CLPTM1L: variants seen among roughly 807,000 people sequenced by gnomAD.
The protein encoded by CLPTM1L is CLPTM1 like.
In CLPTM1L, 38 loss-of-function variants were observed where a neutral mutation model predicts 70.9. The observed-to-expected ratio is 0.54, with a 90% CI of 0.41 to 0.70. The LOEUF is 0.70. CLPTM1L is among the 30% of genes least tolerant of loss of function. CLPTM1L has a pLI of 0.00. For synonymous variants in CLPTM1L, 339 were observed against 299.9 expected (o/e 1.13, Z -1.35); for missense variants, 652 against 705.9 (o/e 0.92, Z 0.87).
chr5:1,335,039 G>A lies in CLPTM1L; in HGVS notation c.796+18C>T. 2 of 1,601,710 alleles carry A rather than the reference G, an allele frequency of 1.2e-6. No individual in the cohort carries two copies. Among genetic ancestry groups the A allele is most frequent in the Non-Finnish European group, 8.5e-7 (1 of 1,170,284 alleles). ...CCAGGGCGGCCTCACCCAGGCGCCG[G>A]CCGTGTGCGGCACATACCGAACTGC... On this transcript the variant is annotated intron_variant, in intron 6 of 16. Coordinates refer to ENST00000320895, the MANE Select transcript of CLPTM1L (RefSeq NM_030782.5).
chr5:1,320,641 ACAC>A lies in CLPTM1L; in HGVS notation c.1504_1506del (p.Val502del), dbSNP rs1561226883. 6.5e-7 allele frequency: 1 copy of A among 1,544,936 alleles called. No individual in the cohort carries two copies. The highest frequency in any genetic ancestry group is 8.7e-7 in the Non-Finnish European group (1 of 1,143,622). On this transcript the variant is annotated inframe_deletion, in exon 16 of 17. Coordinates refer to ENST00000320895, the MANE Select transcript of CLPTM1L (RefSeq NM_030782.5). ...CACCGCTGGTACAGGTAGACCAGAA[ACAC>A]CACGTCGTCCCGGAAGCAGGCCAGC...
Position 1,321,890 on chromosome 5 carries a change from C to T in CLPTM1L, c.1316-71G>A. ...GCCACATCTACGCACAGACGGCACTCACGAGGTGTGGAGGGCCGAGCTGCC... is the reference window on the plus strand; with the variant it reads ...GCCACATCTACGCACAGACGGCACTTACGAGGTGTGGAGGGCCGAGCTGCC... On this transcript the variant is annotated intron_variant, in intron 13 of 16. Coordinates refer to ENST00000320895, the MANE Select transcript of CLPTM1L (RefSeq NM_030782.5). 3 of 1,461,096 alleles carry T rather than the reference C, an allele frequency of 2.1e-6. No individual in the cohort carries two copies. The South Asian group carries it at 3.5e-5, about 17-fold the overall frequency. 90.5% of individuals were successfully genotyped at this position (1,461,096 alleles called of 1,614,324 possible).
At position 1,331,747 on chromosome 5, in the gene CLPTM1L, G is replaced by A. The variant is rs1381982943; in HGVS notation, c.976+52C>T. ...AGGCAGCCCTCTACCGCAGGCTCCAGTGAGCTCCCTGGGGCAGAGTATCTG... is the reference window on the plus strand; with the variant it reads ...AGGCAGCCCTCTACCGCAGGCTCCAATGAGCTCCCTGGGGCAGAGTATCTG... On this transcript the variant is annotated intron_variant, in intron 8 of 16. Transcript: ENST00000320895. 9 of 1,530,938 alleles carry A rather than the reference G, an allele frequency of 5.9e-6. No individual in the cohort carries two copies. In the East Asian group the frequency reaches 2.0e-4, roughly 34 times the overall value. 94.8% of individuals were successfully genotyped at this position (1,530,938 alleles called of 1,614,324 possible). A position where few individuals can be genotyped will look rare whatever the true frequency, so the allele number is the denominator to read the frequency against.
chr5:1,323,045 G>A, intron 12 of CLPTM1L, 134 bp from the exon 13 acceptor site: 1 of 859,968 alleles, frequency 1.2e-6, no homozygotes, highest in Non-Finnish European at 1.9e-6. Flanking sequence ...CGGCAGCCAA[G>A]AGCAGCAGTG....
chr5:1,338,495 G>A (rs1753726967), intron 4 of CLPTM1L, among the ~76,000 whole-genome samples: 1 of 152,226 alleles, frequency 6.6e-6, no homozygotes, highest in Non-Finnish European at 1.5e-5. Context: ...TTAACTGATG[G>A]CAAGTGATAC....
At chr5:1,332,824 TATTC>T (rs1753188853) in intron 7 of CLPTM1L, among the ~76,000 whole-genome samples, 1 of 152,242 alleles carries the variant, frequency 6.6e-6, no homozygotes, top group East Asian at 1.9e-4. Flanking sequence ...ATAATACATA[TATTC>T]ATTCATTACG....
Position 1,345,090 on chromosome 5 carries a change from T to G in CLPTM1L, c.-249A>C, listed in dbSNP as rs1329426811. ...CGCGCCGCTTCCGGGCCCCGCCGCC[T>G]GCCGGAAGTGGACGCGCCGCGCGGC... On this transcript the variant is annotated 5_prime_UTR_variant, in exon 1 of 17. Coordinates refer to ENST00000320895, the MANE Select transcript of CLPTM1L (RefSeq NM_030782.5). The G allele has an allele frequency of 2.0e-5, 3 of 152,184 alleles. No individual in the cohort carries two copies. The highest frequency in any genetic ancestry group is 4.4e-5 in the Non-Finnish European group (3 of 68,572). 9.4% of individuals were successfully genotyped at this position (152,184 alleles called of 1,614,324 possible). A position where few individuals can be genotyped will look rare whatever the true frequency, so the allele number is the denominator to read the frequency against.
In CLPTM1L at chr5:1,344,873, C is replaced by T; in HGVS notation, c.-32G>A. ...CCCGCGCCCGGCGCCCCCGGCCCGC[C>T]CGCCTCTCAGCCGCGAGCCCCGCCC... On this transcript the variant is annotated 5_prime_UTR_variant, in exon 1 of 17. Coordinates refer to ENST00000320895, the MANE Select transcript of CLPTM1L (RefSeq NM_030782.5). The T allele has an allele frequency of 7.4e-7, 1 of 1,344,620 alleles. No individual in the cohort carries two copies. Among genetic ancestry groups the T allele is most frequent in the African/African-American group, 1.5e-5 (1 of 65,044 alleles). The allele number at this position is 1,344,620 out of a possible 1,614,324, so 83.3% of individuals were successfully genotyped here.
At chr5:1,338,255 CACGGCCGT>C (rs1433760872) in intron 4 of CLPTM1L, 25 of 529,826 alleles carry the variant, frequency 4.7e-5, no homozygotes, top group South Asian at 4.5e-4. Flanking sequence ...ATTACAGGGA[CACGGCCGT>C]ACAGCAGAAC....
In CLPTM1L at chr5:1,337,981, T is replaced by C; in HGVS notation, c.601A>G (p.Ile201Val). ...PADVHRYMKMIQLGKTVHYLP... is the reference protein window; with the variant it reads ...PADVHRYMKMVQLGKTVHYLP... ...TAATGCACGGTTTTCCCCAGCTGGA[T>C]CCTGGGATTAAAGCACAACTTTCCA... The change falls in exon 5 of 17, where the codon ATC becomes GTC. Residue 201 changes from isoleucine to valine, a missense_variant and splice_region_variant. Ile to Val is a conservative substitution (Grantham distance 29). Transcript: ENST00000320895. The C allele has an allele frequency of 3.7e-6, 6 of 1,604,330 alleles. No individual in the cohort carries two copies. The highest frequency in any genetic ancestry group is 1.3e-5 in the African/African-American group (1 of 74,994).
At chr5:1,323,263 G>A (rs961152234) in intron 12 of CLPTM1L, among the ~76,000 whole-genome samples, 11 of 146,342 alleles carry the variant, frequency 7.5e-5, no homozygotes, top group Admixed American at 2.1e-4. Flanking sequence ...CTCAGGGCCA[G>A]CACCCCACCT....
chr5:1,318,955 C>T lies in CLPTM1L; in HGVS notation c.1533-502G>A, dbSNP rs572159955. 5.3e-5 allele frequency among the ~76,000 whole-genome samples: 8 copies of T among 152,316 alleles called. No individual in the cohort carries two copies. Among genetic ancestry groups the T allele is most frequent in the African/African-American group, 1.7e-4 (7 of 41,572 alleles). ...GGCATAAGGGGCAGCTCTACACGGC[C>T]GCGAACAGAAGTACAGGGTTTCAGC... On this transcript the variant is annotated intron_variant, in intron 16 of 16. Coordinates refer to ENST00000320895, the MANE Select transcript of CLPTM1L (RefSeq NM_030782.5). This position sits in a 1 kb window ranked among gnomAD's most constrained non-coding sequence, Gnocchi z 8.9.
At chr5:1,332,055 A>G (rs1454021064) in intron 7 of CLPTM1L, 172 bp from the exon 8 acceptor site, 1 of 620,706 alleles carries the variant, frequency 1.6e-6, no homozygotes, top group Non-Finnish European at 2.9e-6. Flanking sequence ...CTGGCCTGCC[A>G]TGTCAGAACC....
At position 1,335,192 on chromosome 5, in the gene CLPTM1L, A is replaced by G. The variant is rs559390900; in HGVS notation, c.679-18T>C. 1.9e-6 allele frequency: 3 copies of G among 1,599,906 alleles called. No individual in the cohort carries two copies. The highest frequency in any genetic ancestry group is 2.6e-6 in the Non-Finnish European group (3 of 1,167,936). On this transcript the variant is annotated intron_variant, in intron 5 of 16. Transcript: ENST00000320895. Reference sequence around the variant, plus strand: ...TTTATGACCTGATGAAGAAAGCCACACTGAGGGCCCTGCCCTCATACCCTT... The same window carrying G: ...TTTATGACCTGATGAAGAAAGCCACGCTGAGGGCCCTGCCCTCATACCCTT...
At position 1,344,491 on chromosome 5, in the gene CLPTM1L, C is replaced by A. The variant is rs771555688; in HGVS notation, c.163-40G>T. On this transcript the variant is annotated intron_variant, in intron 1 of 16. Transcript: ENST00000320895. ...GCGTCGAGAGTCAGCTCGGCCAGGC[C>A]CTGGCAGGACGCACTCAAATCCCAC... 254 of 1,567,448 alleles carry A rather than the reference C, an allele frequency of 1.6e-4. 1 individual carries two copies. Among genetic ancestry groups the A allele is most frequent in the Middle Eastern group, 1.2e-3 (7 of 6,010 alleles).
rs1472268245 is a variant in CLPTM1L, at chr5:1,337,898, A to G, written c.678+6T>C. 3.1e-6 allele frequency: 5 copies of G among 1,588,364 alleles called. No homozygotes were observed. The highest frequency in any genetic ancestry group is 3.4e-6 in the Non-Finnish European group (4 of 1,169,478). On this transcript the variant is annotated splice_donor_region_variant and intron_variant, in intron 5 of 16. Transcript: ENST00000320895. ...TGCACAACCAGCGGGCAGAGGTGTC[A>G]CTCACCATCAGGTCCTTCACGCGGT...
chr5:1,343,669 G>A (rs1037366506), intron 2 of CLPTM1L, among the ~76,000 whole-genome samples: 3 of 152,178 alleles, frequency 2.0e-5, no homozygotes, highest in Non-Finnish European at 2.9e-5. Flanking sequence ...GGCAGAAACC[G>A]GCTTGCCAGC....
chr5:1,344,414 G>A lies in CLPTM1L; in HGVS notation c.200C>T (p.Ala67Val). Residue 67 changes from alanine to valine, a missense_variant, in exon 2 of 17, where the codon GCT (alanine) becomes GTT (valine). This residue lies in a region of CLPTM1L where 402 missense variants were observed against 388.2 expected (regional missense o/e 1.04). Coordinates refer to ENST00000320895, the MANE Select transcript of CLPTM1L (RefSeq NM_030782.5). ...VYTTTRSHLG[A>V]ENNIDLVLNV... ...CAAGACCAGGTCGATGTTGTTCTCA[G>A]CACCCAGGTGGGACCTCGTCGTGGT... 6.2e-7 allele frequency: 1 copy of A among 1,613,758 alleles called. No homozygotes were observed. The highest frequency in any genetic ancestry group is 1.1e-5 in the South Asian group (1 of 91,078).
chr5:1,319,445 A>G (rs1752025850), intron 16 of CLPTM1L, among the ~76,000 whole-genome samples: 1 of 152,290 alleles, frequency 6.6e-6, no homozygotes, highest in Admixed American at 6.5e-5. Flanking sequence ...GCACCCGAAC[A>G]AAGAGTTAAA....
Sources: gnomAD v4.1 joint callset for allele counts (sites outside exome capture counted in the v4.1 genomes callset) on GRCh38, gnomAD v4.1.1 for gene constraint, gnomAD v4.1.1 regional missense constraint, Gnocchi (gnomAD v3.1) non-coding constraint, MANE v1.5 for transcripts, NCBI Gene and HGNC (gene_info 2026-07-23, HGNC 2026-07-21) for gene names.